Variants in IGSF5 observed in about 807,000 individuals in gnomAD.
IGSF5 encodes the protein immunoglobulin superfamily 5 like.
Under a neutral mutation model 39.4 loss-of-function variants are expected in IGSF5, and 41 were observed. That is an observed-to-expected ratio of 1.04 (90% CI 0.81 to 1.35). The LOEUF (loss-of-function observed/expected upper bound fraction) is 1.35, where lower values mean the gene tolerates loss of function less well. IGSF5 is among the 40% of genes most tolerant of loss of function. The pLI, the probability that IGSF5 is intolerant of heterozygous loss-of-function variation, is 0.00. For missense variants in IGSF5, 487 were observed against 494.6 expected (o/e 0.98, Z 0.15); for synonymous variants, 183 against 175.3 (o/e 1.04, Z -0.34).
intron 8 of IGSF5, among the ~76,000 whole-genome samples, chr21:39,794,262 TA>T (rs2086982521): frequency 6.6e-6 from 1 of 152,098 alleles, no homozygotes; most frequent in Non-Finnish European, 1.5e-5. Context: ...TGGAGCAGTT[TA>T]GGGGGAAAGA....
At chr21:39,743,741 T>C (rs1169714954), upstream of IGSF5, among the ~76,000 whole-genome samples, 1 of 152,176 alleles carries the variant, frequency 6.6e-6, no homozygotes, top group Admixed American at 6.5e-5. Flanking sequence ...TTTGTACATA[T>C]GGCACTTCAC....
Position 39,755,172 on chromosome 21 carries a change from C to T in IGSF5, c.100+8874C>T, listed in dbSNP as rs183068080. Among the ~76,000 whole-genome samples, 329 of 152,270 alleles carry T rather than the reference C, an allele frequency of 2.2e-3. 1 individual carries two copies. Among genetic ancestry groups the T allele is most frequent in the African/African-American group, 7.6e-3 (315 of 41,542 alleles). ...ACACTGGGTTCACACTTGGCAGTGACTGCTTTTGGTAAAATATGTAATTTT... is the reference window on the plus strand; with the variant it reads ...ACACTGGGTTCACACTTGGCAGTGATTGCTTTTGGTAAAATATGTAATTTT... On this transcript the variant is annotated intron_variant, in intron 2 of 8. Coordinates refer to ENST00000380588, the MANE Select transcript of IGSF5 (RefSeq NM_001080444.2).
intron 2 of IGSF5, among the ~76,000 whole-genome samples, chr21:39,760,031 T>C (rs1159514791): frequency 6.6e-6 from 1 of 152,158 alleles, no homozygotes; most frequent in African/African-American, 2.4e-5. Flanking sequence ...AAATTTGTAA[T>C]GAATACCAAA....
At chr21:39,761,778 C>G (rs1197433420) in intron 2 of IGSF5, among the ~76,000 whole-genome samples, 1 of 152,168 alleles carries the variant, frequency 6.6e-6, no homozygotes, top group East Asian at 1.9e-4. Context: ...AAGCAATCCT[C>G]CTGTCTTGGC....
At chr21:39,738,694 G>GTA in the IGSF5 span, among the ~76,000 whole-genome samples, 36 of 151,986 alleles carry the variant, frequency 2.4e-4, no homozygotes, top group African/African-American at 8.0e-4. The surrounding 1 kb of genome is among the most constrained non-coding windows in gnomAD (Gnocchi z 6.4). Context: ...GGTGGACACT[G>GTA]GGCGAGTAGA....
chr21:39,757,313 GT>G (rs371293840), intron 2 of IGSF5, among the ~76,000 whole-genome samples: 2 of 18,746 alleles, frequency 1.1e-4, no homozygotes, highest in Admixed American at 1.6e-3. Context: ...GAGGGCAGGA[GT>G]TTTTTCTCAG....
Position 39,746,200 on chromosome 21 carries a change from C to T in IGSF5, c.18-16C>T, listed in dbSNP as rs367735960. The stretch of plus-strand genomic sequence containing the variant: ...TAGCCTGATTGGAAGTGGCAATGGG[C>T]GCCTCACTGGATCAGGAGCACAGCA... On this transcript the variant is annotated splice_polypyrimidine_tract_variant and intron_variant, in intron 1 of 8. Coordinates refer to ENST00000380588, the MANE Select transcript of IGSF5 (RefSeq NM_001080444.2). 3.1e-4 allele frequency: 220 copies of T among 701,720 alleles called. 1 individual carries two copies. The African/African-American group carries it at 3.2e-3, about 10-fold the overall frequency. 43.5% of individuals were successfully genotyped at this position (701,720 alleles called of 1,614,324 possible).
rs755376859 is a variant in IGSF5 at position 39,765,503 on chromosome 21, T to C, written c.101-32T>C. The C allele has an allele frequency of 1.5e-5, 24 of 1,591,922 alleles. No homozygotes were observed. The African/African-American group carries it at 3.1e-4, about 21-fold the overall frequency. On this transcript the variant is annotated intron_variant, in intron 2 of 8. Coordinates refer to ENST00000380588, the MANE Select transcript of IGSF5 (RefSeq NM_001080444.2). ...CAGTTGATTTATGGAGATCCATTCA[T>C]TTAACAACTTGAAAAATTGGCTACC...
At position 39,793,583 on chromosome 21, in the gene IGSF5, A is replaced by G; in HGVS notation, c.1098A>G (p.Gln366=). 1 of 1,614,090 alleles carries G rather than the reference A, an allele frequency of 6.2e-7. No homozygotes were observed. Residue 366 remains glutamine (Q), a synonymous_variant, in exon 8 of 9, where the codon CAA becomes CAG. Coordinates refer to ENST00000380588, the MANE Select transcript of IGSF5 (RefSeq NM_001080444.2). ...CCTGTGAATCCAGTGATCCTGAACAAAGAAACAGTAGCTGTGGCCCTCCTC... is the reference window on the plus strand; with the variant it reads ...CCTGTGAATCCAGTGATCCTGAACAGAGAAACAGTAGCTGTGGCCCTCCTC... ...PKSCESSDPE[Q]RNSSCGPPHQ... is the part of the protein sequence containing the mutation.
At chr21:39,723,549 C>T in the IGSF5 span, among the ~76,000 whole-genome samples, 1 of 152,158 alleles carries the variant, frequency 6.6e-6, no homozygotes, top group Non-Finnish European at 1.5e-5. Context: ...CTGAGACCAT[C>T]TGAGAGTTTG....
intron 5 of IGSF5, among the ~76,000 whole-genome samples, chr21:39,784,034 T>C (rs560257286): frequency 2.6e-4 from 40 of 152,178 alleles, no homozygotes; most frequent in Non-Finnish European, 4.4e-4. Context: ...TTGCCAAAAA[T>C]CAGTTAGCTG....
chr21:39,761,506 C>T (rs192894380), intron 2 of IGSF5, among the ~76,000 whole-genome samples: 45 of 152,326 alleles, frequency 3.0e-4, no homozygotes, highest in African/African-American at 1.1e-3. Context: ...TATTCACAAA[C>T]TATGCATCTG....
At chr21:39,734,413 ACT>A in the IGSF5 span, among the ~76,000 whole-genome samples, 1 of 126,210 alleles carries the variant, frequency 7.9e-6, no homozygotes, top group Non-Finnish European at 1.7e-5. Flanking sequence ...ACAGAGCAAG[ACT>A]CTGTCTCAAA....
At chr21:39,777,272 GGTA>G (rs2080146115) in intron 4 of IGSF5, among the ~76,000 whole-genome samples, 1 of 152,140 alleles carries the variant, frequency 6.6e-6, no homozygotes, top group South Asian at 2.1e-4. Context: ...TCATGTCGTG[GGTA>G]GCTTGGGCAG....
chr21:39,793,635 C>G (rs2086978188), intron 8 of IGSF5, 22 bp downstream of exon 8: 2 of 1,585,244 alleles, frequency 1.3e-6, no homozygotes, highest in Admixed American at 1.7e-5. Flanking sequence ...CATTTTCCCC[C>G]TTTTTGGACT....
the IGSF5 span, among the ~76,000 whole-genome samples, chr21:39,723,110 C>T: frequency 1.2e-4 from 19 of 152,200 alleles, no homozygotes; most frequent in Admixed American, 1.2e-3. Flanking sequence ...CTGGGCACAA[C>T]TTGTTGGTCC....
At position 39,801,244 on chromosome 21, in the gene IGSF5, T is replaced by C. The variant is rs746064704; in HGVS notation, c.1129-18T>C. 4 of 1,606,670 alleles carry C rather than the reference T, an allele frequency of 2.5e-6. No homozygotes were observed. Among genetic ancestry groups the C allele is most frequent in the South Asian group, 1.1e-5 (1 of 90,536 alleles). On this transcript the variant is annotated intron_variant, in intron 8 of 8. Transcript: ENST00000380588. ...ATCTCAACCCATTAAATTGACTTTT[T>C]TCCTCCTCTGTTGCCAGCGGGCTGA... is the stretch of plus-strand genomic sequence containing the variant.
the IGSF5 span, among the ~76,000 whole-genome samples, chr21:39,738,413 C>T: frequency 6.6e-5 from 10 of 152,168 alleles, no homozygotes; most frequent in African/African-American, 1.7e-4. This position sits in a 1 kb window ranked among gnomAD's most constrained non-coding sequence, Gnocchi z 6.4. Context: ...CAGGAATTAA[C>T]GGAGCTACAG....
At chr21:39,733,792 C>A in the IGSF5 span, among the ~76,000 whole-genome samples, 1 of 152,296 alleles carries the variant, frequency 6.6e-6, no homozygotes, top group African/African-American at 2.4e-5. Context: ...GCTGGCAATT[C>A]CTGGCCTTCC....
Sources: gnomAD v4.1 joint callset for allele counts (sites outside exome capture counted in the v4.1 genomes callset) on GRCh38, gnomAD v4.1.1 for gene constraint, Gnocchi (gnomAD v3.1) non-coding constraint, MANE v1.5 for transcripts, NCBI Gene and HGNC (gene_info 2026-07-23, HGNC 2026-07-21) for gene names.